Variants in SLC12A3 observed in about 807,000 individuals in gnomAD.
SLC12A3 encodes Na-Cl cotransporter.
In SLC12A3, 104 loss-of-function variants were observed where a neutral mutation model predicts 121.0. That is an observed-to-expected ratio of 0.86 (90% CI 0.73 to 1.01). The LOEUF is 1.01. Ranked by LOEUF, SLC12A3 falls within the 50% of genes least tolerant of loss-of-function variation. The pLI, the probability that SLC12A3 is intolerant of heterozygous loss-of-function variation, is 0.00. For missense variants in SLC12A3, 1,328 were observed against 1,356.3 expected, an observed-to-expected ratio of 0.98 and a Z score of 0.33; for synonymous variants, 536 against 533.4, an observed-to-expected ratio of 1.00 and a Z score of -0.07.
At chr16:56,876,344 G>T (rs531404091) in intron 8 of SLC12A3, among the ~76,000 whole-genome samples, 2 of 152,200 alleles carry the variant, frequency 1.3e-5, no homozygotes, top group South Asian at 2.1e-4. Context: ...TTTGGGGGAC[G>T]CTATTCAATC....
chr16:56,891,423 C>A (rs1308935303), intron 19 of SLC12A3, among the ~76,000 whole-genome samples: 1 of 142,284 alleles, frequency 7.0e-6, no homozygotes, highest in East Asian at 2.1e-4. Flanking sequence ...AAAGCAATAA[C>A]GTGTATGGCA....
At position 56,886,955 on chromosome 16, in the gene SLC12A3, A is replaced by T. The variant is rs1567437870; in HGVS notation, c.2040A>T (p.Gly680=). ...TCCCCTGCCCCTCCCACCCACAGGG[A>T]CCCCACAAGCAGAGGATGCCTGAGC... ...SLMICGHVLI[G]PHKQRMPELQ... is the part of the protein sequence containing the mutation. The change falls in exon 17 of 26, where the codon GGA becomes GGT. Residue 680 remains glycine (G), a splice_region_variant and synonymous_variant. Coordinates refer to ENST00000563236, the MANE Select transcript of SLC12A3 (RefSeq NM_001126108.2). The T allele has an allele frequency of 6.2e-7, 1 of 1,606,100 alleles. No homozygotes were observed. The highest frequency in any genetic ancestry group is 8.5e-7 in the Non-Finnish European group (1 of 1,175,700).
chr16:56,865,256 AGAG>A lies in SLC12A3; in HGVS notation c.22_24del (p.Glu8del). 6.2e-7 allele frequency: 1 copy of A among 1,613,776 alleles called. No individual in the cohort carries two copies. The highest frequency in any genetic ancestry group is 8.5e-7 in the Non-Finnish European group (1 of 1,180,014). ...CGACAATGGCAGAACTGCCCACAAC[AGAG>A]ACGCCTGGGGACGCCACTTTGTGCA... On this transcript the variant is annotated inframe_deletion, in exon 1 of 26. Coordinates refer to ENST00000563236, the MANE Select transcript of SLC12A3 (RefSeq NM_001126108.2).
intron 6 of SLC12A3, among the ~76,000 whole-genome samples, chr16:56,871,015 T>C (rs2055089446): frequency 6.6e-6 from 1 of 152,048 alleles, no homozygotes; most frequent in Non-Finnish European, 1.5e-5. Flanking sequence ...TTATATTGTT[T>C]GTAGAGACGG....
At chr16:56,880,010 C>G (rs2055216985) in intron 11 of SLC12A3, 120 bp from the exon 12 acceptor site, 1 of 1,261,012 alleles carries the variant, frequency 7.9e-7, no homozygotes, top group Admixed American at 2.0e-5. Context: ...AAACAGACAC[C>G]AGGACCCAGG....
intron 20 of SLC12A3, 68 bp from the exon 21 acceptor site, chr16:56,892,885 G>A (rs992640562): frequency 3.8e-6 from 5 of 1,305,200 alleles, no homozygotes; most frequent in Middle Eastern, 3.9e-4. Flanking sequence ...CGTTGGCGGG[G>A]CCCTGGGCCA....
At chr16:56,908,890 G>A (rs2055646241) in intron 25 of SLC12A3, among the ~76,000 whole-genome samples, 1 of 152,216 alleles carries the variant, frequency 6.6e-6, no homozygotes, top group African/African-American at 2.4e-5. Flanking sequence ...CCTTGGGTAT[G>A]GTGCCTGGTG....
intron 12 of SLC12A3, among the ~76,000 whole-genome samples, chr16:56,882,084 A>C (rs1318911052): frequency 4.6e-5 from 7 of 151,600 alleles, no homozygotes; most frequent in African/African-American, 1.7e-4. Flanking sequence ...TCTTGCTGTC[A>C]TTTGTGGTCA....
chr16:56,871,477 C>T (rs2055096686), intron 6 of SLC12A3, among the ~76,000 whole-genome samples: 2 of 152,210 alleles, frequency 1.3e-5, no homozygotes, highest in South Asian at 2.1e-4. Flanking sequence ...GCCCTACAGG[C>T]AGGGCAGGAC....
chr16:56,868,288 T>C lies in SLC12A3; in HGVS notation c.430-9T>C. The C allele has an allele frequency of 6.2e-7, 1 of 1,613,768 alleles. No individual in the cohort carries two copies. Among genetic ancestry groups the C allele is most frequent in the Non-Finnish European group, 8.5e-7 (1 of 1,179,888 alleles). ...ACCCAGGTGGCCTCTGACCCCCCTG[T>C]CCTCCCAGATTCGTTGCATGCTCAA... On this transcript the variant is annotated splice_polypyrimidine_tract_variant and intron_variant, in intron 2 of 25. Coordinates refer to ENST00000563236, the MANE Select transcript of SLC12A3 (RefSeq NM_001126108.2).
chr16:56,885,733 T>C (rs1235855024), intron 15 of SLC12A3, among the ~76,000 whole-genome samples: 1 of 152,210 alleles, frequency 6.6e-6, no homozygotes, highest in East Asian at 1.9e-4. Context: ...TTTATGCACC[T>C]GCCATCCTCT....
chr16:56,881,076 C>G (rs1336942981), intron 12 of SLC12A3, among the ~76,000 whole-genome samples: 1 of 152,154 alleles, frequency 6.6e-6, no homozygotes, highest in Admixed American at 6.5e-5. Flanking sequence ...ACACCAAGCA[C>G]GGGCAGTGGC....
intron 12 of SLC12A3, among the ~76,000 whole-genome samples, chr16:56,880,697 G>A (rs1251470926): frequency 6.6e-6 from 1 of 152,178 alleles, no homozygotes; most frequent in African/African-American, 2.4e-5. Flanking sequence ...GACAAACCTA[G>A]TTCCAAGGGC....
In SLC12A3 at chr16:56,899,480, C is replaced by T. The variant is rs368793849; in HGVS notation, c.2634-50C>T. 328 of 1,407,738 alleles carry T rather than the reference C, an allele frequency of 2.3e-4. 2 individuals carry two copies. The highest frequency in any genetic ancestry group is 6.4e-4 in the Admixed American group (38 of 59,728). 87.2% of individuals were successfully genotyped at this position (1,407,738 alleles called of 1,614,324 possible). A position where few individuals can be genotyped will look rare whatever the true frequency, so the allele number is the denominator to read the frequency against. ...CTCCAGCCTGGGAGACAGAGCAAGA[C>T]GCTGTCTCAAGAAAAAGTAATAACA... On this transcript the variant is annotated intron_variant, in intron 22 of 25. Transcript: ENST00000563236.
At chr16:56,885,127 C>G in intron 14 of SLC12A3, 138 bp from the exon 15 acceptor site, 1 of 700,134 alleles carries the variant, frequency 1.4e-6, no homozygotes, top group Non-Finnish European at 2.6e-6. Flanking sequence ...TTGCAGGCTG[C>G]CCATCCCAGG....
At chr16:56,902,759 G>T (rs1175801916) in intron 24 of SLC12A3, among the ~76,000 whole-genome samples, 1 of 147,272 alleles carries the variant, frequency 6.8e-6, no homozygotes, top group Non-Finnish European at 1.5e-5. Context: ...GGGCTTGACT[G>T]CCCGGAGTCC....
intron 21 of SLC12A3, among the ~76,000 whole-genome samples, chr16:56,893,536 G>T (rs1309654520): frequency 6.6e-6 from 1 of 152,172 alleles, no homozygotes; most frequent in Non-Finnish European, 1.5e-5. Context: ...CTGGCTGACA[G>T]GGAATTCCCT....
intron 25 of SLC12A3, among the ~76,000 whole-genome samples, chr16:56,908,641 C>T (rs1324512454): frequency 6.6e-6 from 1 of 152,224 alleles, no homozygotes; most frequent in African/African-American, 2.4e-5. Context: ...ACCCAGGAAG[C>T]TGGCTCTGCC....
intron 17 of SLC12A3, 59 bp downstream of exon 17, chr16:56,887,152 G>T (rs2055325726): frequency 1.2e-6 from 2 of 1,610,874 alleles, no homozygotes; most frequent in African/African-American, 1.3e-5. Context: ...AACCTGGAAG[G>T]CAGAAAGTCT....
Sources: gnomAD v4.1 joint callset for allele counts (sites outside exome capture counted in the v4.1 genomes callset) on GRCh38, gnomAD v4.1.1 for gene constraint, MANE v1.5 for transcripts, NCBI Gene and HGNC (gene_info 2026-07-23, HGNC 2026-07-21) for gene names.